XDH: variants seen among roughly 807,000 people sequenced by gnomAD.
XDH encodes the protein xanthine dehydrogenase/oxidase.
In XDH, 138 loss-of-function variants were observed where a neutral mutation model predicts 156.1. The ratio of observed to expected loss-of-function variants is 0.88; its 90% CI spans 0.77 to 1.02. The LOEUF (loss-of-function observed/expected upper bound fraction) is 1.02. Among genes scored for constraint, XDH ranks in the 50% least tolerant of loss-of-function variants. XDH has a pLI of 0.00. For missense variants in XDH, 1,849 were observed against 1,684.9 expected (o/e 1.10, Z -1.71); for synonymous variants, 669 against 625.7 (o/e 1.07, Z -1.03).
chr2:31,372,575 G>A (rs548636402), intron 16 of XDH, among the ~76,000 whole-genome samples, 178 bp from the exon 17 acceptor site: 1 of 152,310 alleles, frequency 6.6e-6, no homozygotes, highest in South Asian at 2.1e-4. Flanking sequence ...TAGCAAGGGT[G>A]GTCCTAGTGT....
chr2:31,401,136 A>G, intron 4 of XDH, 84 bp downstream of exon 4: 1 of 1,505,364 alleles, frequency 6.6e-7, no homozygotes. Context: ...CAACAACCCA[A>G]AGCAAGTCTG....
intron 6 of XDH, chr2:31,389,560 G>C (rs1279171832): frequency 6.6e-6 from 1 of 152,128 alleles, no homozygotes; most frequent in Non-Finnish European, 1.5e-5. Flanking sequence ...GAAATGCCCT[G>C]GCCTACCTGA....
intron 13 of XDH, among the ~76,000 whole-genome samples, chr2:31,379,280 C>T (rs988705884): frequency 6.6e-5 from 10 of 152,166 alleles, no homozygotes; most frequent in Admixed American, 1.3e-4. Flanking sequence ...GGAATCCATC[C>T]GCACCAATCC....
At chr2:31,404,895 T>C (rs1302043444) in intron 2 of XDH, among the ~76,000 whole-genome samples, 1 of 152,224 alleles carries the variant, frequency 6.6e-6, no homozygotes, top group African/African-American at 2.4e-5. Context: ...GTCTCACTTC[T>C]GTGCGTGTTA....
At position 31,344,419 on chromosome 2, in the gene XDH, C is replaced by G. The variant is rs1685224578; in HGVS notation, c.3404+265G>C. ...ACAGGTTCAGCAGGACCACTGACTT[C>G]CTCTGGTGAAATTGTGCACCCTGAG... On this transcript the variant is annotated intron_variant, in intron 31 of 35. Coordinates refer to ENST00000379416, the MANE Select transcript of XDH (RefSeq NM_000379.4). Among the ~76,000 whole-genome samples, 4 of 152,308 alleles carry G rather than the reference C, an allele frequency of 2.6e-5. No homozygotes were observed. The East Asian group carries it at 7.7e-4, about 29-fold the overall frequency.
chr2:31,373,958 T>A lies in XDH; in HGVS notation c.1603-2A>T. 1 of 1,613,230 alleles carries A rather than the reference T, an allele frequency of 6.2e-7. No individual in the cohort carries two copies. Among genetic ancestry groups the A allele is most frequent in the Non-Finnish European group, 8.5e-7 (1 of 1,179,474 alleles). ...AGTGGGGTCCAGTTTACCACACTTC[T>A]GTGGAGACAAGAAAACAGAGGTGAC... On this transcript the variant is annotated splice_acceptor_variant, in intron 15 of 35. Transcript: ENST00000379416. LOFTEE classifies it high-confidence loss of function.
intron 6 of XDH, among the ~76,000 whole-genome samples, chr2:31,395,138 T>C (rs1368278472): frequency 6.6e-6 from 1 of 151,582 alleles, no homozygotes. Flanking sequence ...AAAGACCTCA[T>C]ATAAATAGGC....
rs1040163523 is a variant in XDH at position 31,380,595 on chromosome 2, A to C, written c.1133-619T>G. On this transcript the variant is annotated intron_variant, in intron 12 of 35. Transcript: ENST00000379416. ...GGCAAGGCATCACTTGTGTTGTCAC[A>C]ACTTATTGCTGGAGGAATTAAGCAT... 2.0e-5 allele frequency among the ~76,000 whole-genome samples: 3 copies of C among 152,256 alleles called. No homozygotes were observed. In the East Asian group the frequency reaches 5.8e-4, roughly 29 times the overall value.
In XDH at chr2:31,375,365, C is replaced by T. The variant is rs1186768084; in HGVS notation, c.1602+15G>A. On this transcript the variant is annotated intron_variant, in intron 15 of 35. Transcript: ENST00000379416. ...CATGCTACAGAGAGCCTGTGCCTGG[C>T]CAGGCCCCACTCACGTCTTCCAGGT... 3.1e-6 allele frequency: 5 copies of T among 1,614,174 alleles called. No individual in the cohort carries two copies. The highest frequency in any genetic ancestry group is 4.2e-6 in the Non-Finnish European group (5 of 1,180,032).
At chr2:31,377,494 C>A (rs116271969) in intron 13 of XDH, among the ~76,000 whole-genome samples, 2,605 of 152,194 alleles carry the variant, frequency 0.017, 92 homozygotes, top group African/African-American at 0.06. Flanking sequence ...GGGTCAGGGA[C>A]AAAGTAGAAC....
At chr2:31,341,947 C>T (rs1417266374) in intron 32 of XDH, among the ~76,000 whole-genome samples, 1 of 152,210 alleles carries the variant, frequency 6.6e-6, no homozygotes, top group African/African-American at 2.4e-5. Flanking sequence ...TGTTTACAAG[C>T]TGTCTATGAC....
chr2:31,342,050 G>A (rs1181188681), intron 32 of XDH, 133 bp downstream of exon 32: 2 of 795,868 alleles, frequency 2.5e-6, no homozygotes, highest in African/African-American at 3.4e-5. Flanking sequence ...CCCTTTATAG[G>A]ATGTTTGCCT....
At chr2:31,365,826 T>A in intron 22 of XDH, 150 bp downstream of exon 22, 1 of 1,344,272 alleles carries the variant, frequency 7.4e-7, no homozygotes, top group Non-Finnish European at 1.0e-6. Context: ...CCTCCCACTA[T>A]GCCCAAGGGT....
rs75779691 is a variant in XDH at position 31,369,804 on chromosome 2, C to T, written c.1980+551G>A. Among the ~76,000 whole-genome samples the T allele has an allele frequency of 5.3e-5, 8 of 152,350 alleles. No individual in the cohort carries two copies. In the East Asian group the frequency reaches 1.5e-3, roughly 29 times the overall value. On this transcript the variant is annotated intron_variant, in intron 18 of 35. Transcript: ENST00000379416. Reference sequence around the variant, plus strand: ...TGAATTCACTCTTCAGAAGTACCCACTCATGTCTAATTTGCAACATTGGAT... The same window carrying T: ...TGAATTCACTCTTCAGAAGTACCCATTCATGTCTAATTTGCAACATTGGAT...
intron 34 of XDH, 22 bp from the exon 35 acceptor site, chr2:31,337,839 G>A: frequency 6.2e-7 from 1 of 1,611,888 alleles, no homozygotes; most frequent in Non-Finnish European, 8.5e-7. Context: ...CAGGGCACAG[G>A]GCAGGGGCTC....
At chr2:31,336,592 A>C (rs887561705) in intron 35 of XDH, among the ~76,000 whole-genome samples, 2 of 151,474 alleles carry the variant, frequency 1.3e-5, no homozygotes, top group Non-Finnish European at 2.9e-5. Flanking sequence ...GGGCATCTTT[A>C]CTGCCTGGGA....
intron 35 of XDH, 84 bp downstream of exon 35, chr2:31,337,557 T>G (rs1684997836): frequency 6.2e-7 from 1 of 1,603,462 alleles, no homozygotes; most frequent in African/African-American, 1.3e-5. Flanking sequence ...CCAACACCTC[T>G]CCTCTGTGCA....
Position 31,401,228 on chromosome 2 carries a change from G to A in XDH, c.298C>T (p.Pro100Ser), listed in dbSNP as rs1407293841. The change falls in exon 4 of 36, where the codon CCT (proline) becomes TCT (serine). Residue 100 changes from proline to serine, a missense_variant. Physicochemically the swap from Pro to Ser is moderately conservative, Grantham distance 74. Transcript: ENST00000379416. ...GIGSTKTRLH[P>S]VQERIAKSHG... ...CCCTTTCCTCTGTTTACCTGCACAG[G>A]ATGCAGCCTCGTCTTGGTGCTTCCT... 1 of 1,614,126 alleles carries A rather than the reference G, an allele frequency of 6.2e-7. No individual in the cohort carries two copies. Among genetic ancestry groups the A allele is most frequent in the South Asian group, 1.1e-5 (1 of 91,080 alleles).
At chr2:31,345,061 C>T (rs45549632) in intron 30 of XDH, among the ~76,000 whole-genome samples, 3,358 of 152,248 alleles carry the variant, frequency 0.022, 112 homozygotes, top group African/African-American at 0.067. Context: ...TCCTTATTGC[C>T]TGTAGAGCAA....
Sources: gnomAD v4.1 joint callset for allele counts (sites outside exome capture counted in the v4.1 genomes callset) on GRCh38, gnomAD v4.1.1 for gene constraint, MANE v1.5 for transcripts, NCBI Gene and HGNC (gene_info 2026-07-23, HGNC 2026-07-21) for gene names.